Variants in SLC12A3 observed in about 807,000 individuals in gnomAD.
The protein encoded by SLC12A3 is solute carrier family 12 member 3, also known as Na-Cl cotransporter.
Under a neutral mutation model 121.0 loss-of-function variants are expected in SLC12A3, and 104 were observed. The ratio of observed to expected loss-of-function variants is 0.86; its 90% CI spans 0.73 to 1.01. The LOEUF (loss-of-function observed/expected upper bound fraction) is 1.01, where lower values mean the gene tolerates loss of function less well. Ranked by LOEUF, SLC12A3 falls within the 50% of genes least tolerant of loss-of-function variation. The pLI, the probability that SLC12A3 is intolerant of heterozygous loss-of-function variation, is 0.00. For synonymous variants in SLC12A3, 536 were observed against 533.4 expected, an observed-to-expected ratio of 1.00 and a Z score of -0.07; for missense variants, 1,328 against 1,356.3, an observed-to-expected ratio of 0.98 and a Z score of 0.33.
At chr16:56,902,007 C>T (rs765489807) in intron 23 of SLC12A3, among the ~76,000 whole-genome samples, 29 of 152,170 alleles carry the variant, frequency 1.9e-4, no homozygotes, top group Non-Finnish European at 3.7e-4. Flanking sequence ...CATAAGCTTC[C>T]ACTTCATATT....
rs139943829 is a variant in SLC12A3 at position 56,892,111 on chromosome 16, C to T, written c.2397C>T (p.Asp799=). The change falls in exon 20 of 26, where the codon GAC becomes GAT. Residue 799 remains aspartate, a synonymous_variant. Coordinates refer to ENST00000563236, the MANE Select transcript of SLC12A3 (RefSeq NM_001126108.2). The part of the protein sequence containing the change: ...HINPVFDPAE[D]GKEASARVDP... ...ACCCCGTGTTTGACCCAGCGGAGGA[C>T]GGGAAGGAAGCCAGCGCCAGAGGTG... 49 of 1,613,734 alleles carry T rather than the reference C, an allele frequency of 3.0e-5. No individual in the cohort carries two copies. The highest frequency in any genetic ancestry group is 3.6e-5 in the Non-Finnish European group (43 of 1,179,832).
chr16:56,910,250 G>A (rs1377199098), intron 25 of SLC12A3, among the ~76,000 whole-genome samples: 3 of 151,210 alleles, frequency 2.0e-5, no homozygotes, highest in Non-Finnish European at 2.9e-5. Flanking sequence ...CTCGGCTCAC[G>A]GCAACCTCTT....
chr16:56,888,340 GC>G (rs1431074219), intron 18 of SLC12A3, among the ~76,000 whole-genome samples: 1 of 152,176 alleles, frequency 6.6e-6, no homozygotes, highest in African/African-American at 2.4e-5. Flanking sequence ...GGCTGAAGAT[GC>G]CCGTCTCTGA....
chr16:56,896,779 A>G (rs2055467853), intron 22 of SLC12A3, among the ~76,000 whole-genome samples: 1 of 152,144 alleles, frequency 6.6e-6, no homozygotes. Flanking sequence ...ATCATGATAT[A>G]AAATTTCCCT....
At chr16:56,890,030 A>T (rs2055367158) in intron 18 of SLC12A3, among the ~76,000 whole-genome samples, 2 of 152,230 alleles carry the variant, frequency 1.3e-5, no homozygotes, top group African/African-American at 4.8e-5. Flanking sequence ...GACAGGGCTG[A>T]CTTGGTTCCC....
chr16:56,885,092 G>T (rs2055291936), intron 14 of SLC12A3, among the ~76,000 whole-genome samples, 173 bp from the exon 15 acceptor site: 1 of 152,140 alleles, frequency 6.6e-6, no homozygotes, highest in African/African-American at 2.4e-5. Flanking sequence ...TCAACGTGCA[G>T]CCACACAGTC....
Position 56,913,293 on chromosome 16 carries a change from G to A in SLC12A3, c.2954G>A (p.Cys985Tyr), listed in dbSNP as rs199849117. ...TTGCCCATAGGGAGGAAGGGGAAGT[G>A]CCCCAGCTCGCTGTACATGGCCTGG... The part of the protein sequence containing the change: ...ITLPIGRKGK[C>Y]PSSLYMAWLE... Residue 985 changes from cysteine to tyrosine, a missense_variant, in exon 26 of 26, where the codon TGC becomes TAC. Physicochemically the swap from Cys to Tyr is radical, Grantham distance 194 (BLOSUM62 -2). Transcript: ENST00000563236. 233 of 1,614,172 alleles carry A rather than the reference G, an allele frequency of 1.4e-4. No individual in the cohort carries two copies. The highest frequency in any genetic ancestry group is 3.2e-4 in the Admixed American group (19 of 60,022).
At chr16:56,902,221 A>G in intron 23 of SLC12A3, 152 bp from the exon 24 acceptor site, 2 of 967,948 alleles carry the variant, frequency 2.1e-6, no homozygotes, top group Non-Finnish European at 3.1e-6. Context: ...GCTGAATTCA[A>G]CATGGAAGCC....
At chr16:56,885,494 G>C in intron 15 of SLC12A3, 130 bp downstream of exon 15, 1 of 715,558 alleles carries the variant, frequency 1.4e-6, no homozygotes, top group African/African-American at 1.7e-5. Context: ...ACTCAGAGAG[G>C]GAACAGACAT....
rs2055211659 is a variant in SLC12A3, at chr16:56,879,639, A to G, written c.1433A>G (p.Lys478Arg). 1.9e-6 allele frequency: 3 copies of G among 1,612,412 alleles called. No individual in the cohort carries two copies. Among genetic ancestry groups the G allele is most frequent in the Non-Finnish European group, 2.5e-6 (3 of 1,179,468 alleles). ...SALACLVSAA[K>R]VFQCLCEDQL... ...CTGGCCTGCCTTGTCTCTGCTGCCA[A>G]AGTCTTCCAGGTGAGGCCGCAGAAA... The change falls in exon 11 of 26, where the codon AAA becomes AGA. Residue 478 changes from lysine (K) to arginine (R), a missense_variant. Lys to Arg is a conservative substitution (Grantham distance 26, BLOSUM62 2). Coordinates refer to ENST00000563236, the MANE Select transcript of SLC12A3 (RefSeq NM_001126108.2).
chr16:56,870,862 A>C, intron 6 of SLC12A3, 126 bp downstream of exon 6: 1 of 613,712 alleles, frequency 1.6e-6, no homozygotes. Flanking sequence ...TTGAGACAGA[A>C]TCTCGCTCGA....
chr16:56,902,531 G>GGGGGGGCCCCC, intron 24 of SLC12A3, 23 bp downstream of exon 24: 3 of 714,536 alleles, frequency 4.2e-6, no homozygotes, highest in Admixed American at 1.9e-5. Flanking sequence ...GTGGGGGTGG[G>GGGGGGGCCCCC]AAACGCGACA....
intron 25 of SLC12A3, among the ~76,000 whole-genome samples, chr16:56,911,814 C>T (rs1352143993): frequency 6.6e-6 from 1 of 152,220 alleles, no homozygotes; most frequent in Non-Finnish European, 1.5e-5. Context: ...CCGCCGCTGG[C>T]TTAGCTGTCG....
rs2144796033 is a variant in SLC12A3 at position 56,914,436 on chromosome 16, T to C, written c.*1031T>C. The stretch of plus-strand genomic sequence containing the variant: ...CCCTGGGGGACGTCCTCCAGTATGT[T>C]CTGTTCTGTTTATTTTTCACTGTTG... On this transcript the variant is annotated 3_prime_UTR_variant, in exon 26 of 26. Coordinates refer to ENST00000563236, the MANE Select transcript of SLC12A3 (RefSeq NM_001126108.2). The C allele has an allele frequency of 6.6e-6, 1 of 152,384 alleles. No homozygotes were observed. 9.4% of individuals were successfully genotyped at this position (152,384 alleles called of 1,614,324 possible).
chr16:56,872,807 T>G, intron 8 of SLC12A3, 21 bp downstream of exon 8: 1 of 1,613,960 alleles, frequency 6.2e-7, no homozygotes, highest in Non-Finnish European at 8.5e-7. Flanking sequence ...TACTTGCCCC[T>G]CCTGTGTCCT....
Position 56,879,774 on chromosome 16 carries a change from C to A in SLC12A3, c.1443+125C>A, listed in dbSNP as rs1441367339. ...GTGTCATTAGACTGGGGTCTCTAGC[C>A]AGAAGGGAAAAGGAGCTATCAGCAA... On this transcript the variant is annotated intron_variant, in intron 11 of 25. Transcript: ENST00000563236. 9 of 747,988 alleles carry A rather than the reference C, an allele frequency of 1.2e-5. No individual in the cohort carries two copies. The Admixed American group carries it at 1.5e-4, about 12-fold the overall frequency. The allele number at this position is 747,988 out of a possible 1,614,324, so 46.3% of individuals were successfully genotyped here.
At position 56,886,964 on chromosome 16, in the gene SLC12A3, G is replaced by T; in HGVS notation, c.2049G>T (p.Lys683Asn). The change falls in exon 17 of 26, where the codon AAG becomes AAT. Residue 683 changes from lysine to asparagine, a missense_variant. Lys to Asn is a moderately conservative substitution (Grantham distance 94, BLOSUM62 0). Transcript: ENST00000563236. Reference protein sequence around the residue: ...ICGHVLIGPHKQRMPELQLIA... With the variant: ...ICGHVLIGPHNQRMPELQLIA... ...CCTCCCACCCACAGGGACCCCACAA[G>T]CAGAGGATGCCTGAGCTCCAGCTCA... The T allele has an allele frequency of 6.2e-7, 1 of 1,613,068 alleles. No homozygotes were observed. The highest frequency in any genetic ancestry group is 1.3e-5 in the African/African-American group (1 of 75,024).
chr16:56,895,017 GA>G (rs200092896), intron 22 of SLC12A3, among the ~76,000 whole-genome samples: 32,710 of 142,214 alleles, frequency 0.23, 3,927 homozygotes, highest in African/African-American at 0.32. Context: ...AAGAAAAATA[GA>G]AAAAAAAAAA....
At chr16:56,888,511 C>T (rs55914047) in intron 18 of SLC12A3, among the ~76,000 whole-genome samples, 2,093 of 150,108 alleles carry the variant, frequency 0.014, 39 homozygotes, top group African/African-American at 0.046. Context: ...CTCTAGTGCC[C>T]GTGCAGAAAT....
Sources: allele counts gnomAD v4.1 joint callset (sites outside exome capture counted in the v4.1 genomes callset), GRCh38; gene constraint gnomAD v4.1.1; transcripts MANE v1.5; gene names NCBI Gene and HGNC (gene_info 2026-07-23, HGNC 2026-07-21).